Variants in DDR2 observed in about 807,000 individuals in gnomAD.
DDR2 encodes the protein discoidin domain-containing receptor 2.
DDR2 carries 27 observed loss-of-function variants against 94.9 expected under a neutral mutation model. The observed-to-expected ratio is 0.28, with a 90% CI of 0.21 to 0.39. The LOEUF is 0.39. Ranked by LOEUF, DDR2 falls within the 10% of genes least tolerant of loss-of-function variation. The pLI, the probability that DDR2 is intolerant of heterozygous loss-of-function variation, is 1.00. For synonymous variants in DDR2, 382 were observed against 377.2 expected (o/e 1.01, Z -0.15); for missense variants, 783 against 1,076.0 (o/e 0.73, Z 3.81).
At chr1:162,654,190 C>T (rs1321869557) in intron 1 of DDR2, among the ~76,000 whole-genome samples, 1 of 152,154 alleles carries the variant, frequency 6.6e-6, no homozygotes, top group Non-Finnish European at 1.5e-5. Context: ...ATAATCCCAG[C>T]ACTTTGTGAG....
At chr1:162,689,207 C>A (rs1659836610) in intron 2 of DDR2, among the ~76,000 whole-genome samples, 1 of 152,164 alleles carries the variant, frequency 6.6e-6, no homozygotes, top group Admixed American at 6.5e-5. Flanking sequence ...CTCTGTCATG[C>A]AGCTGAAGTT....
In DDR2 at chr1:162,769,928, C is replaced by A. The variant is rs184435224; in HGVS notation, c.1294-374C>A. Among the ~76,000 whole-genome samples, 14 of 152,100 alleles carry A rather than the reference C, an allele frequency of 9.2e-5. No homozygotes were observed. The Middle Eastern group carries it at 0.01, about 111-fold the overall frequency. On this transcript the variant is annotated intron_variant, in intron 11 of 17. Transcript: ENST00000367921. ...AAACAATTTATGTCTATTCCAAAAC[C>A]AAGTAGTTAAAGGGTAAGCCAGGAA...
At chr1:162,748,918 T>C (rs6663767) in intron 3 of DDR2, among the ~76,000 whole-genome samples, 125,615 of 149,850 alleles carry the variant, frequency 0.84, 53,394 homozygotes, top group Non-Finnish European at 0.92. Context: ...GGGTACATAA[T>C]GAAATGAAGG....
At position 162,638,710 on chromosome 1, in the gene DDR2, GA is replaced by G. The variant is rs551385075; in HGVS notation, c.-192+6081del. Among the ~76,000 whole-genome samples the G allele has an allele frequency of 2.2e-4, 34 of 152,300 alleles. 1 individual carries two copies. In the East Asian group the frequency reaches 6.6e-3, roughly 29 times the overall value. On this transcript the variant is annotated intron_variant, in intron 1 of 17. Coordinates refer to ENST00000367921, the MANE Select transcript of DDR2 (RefSeq NM_006182.4). ...GCTACTGGCACTTGTCCTTCAGGAT[GA>G]ACCCTCTTGAGATGCAGGGGAGCAA... is the stretch of plus-strand genomic sequence containing the variant.
At chr1:162,636,280 C>G (rs1345199406) in intron 1 of DDR2, among the ~76,000 whole-genome samples, 1 of 152,128 alleles carries the variant, frequency 6.6e-6, no homozygotes, top group Admixed American at 6.5e-5. Context: ...TTGAGCCAGC[C>G]CAAGAGTTGC....
At chr1:162,759,501 A>T (rs1663612938) in intron 7 of DDR2, among the ~76,000 whole-genome samples, 1 of 152,260 alleles carries the variant, frequency 6.6e-6, no homozygotes. Context: ...AAGGTGCAAT[A>T]AATTATAGAA....
At chr1:162,716,229 G>A (rs1177847621) in intron 2 of DDR2, among the ~76,000 whole-genome samples, 2 of 152,112 alleles carry the variant, frequency 1.3e-5, no homozygotes, top group African/African-American at 2.4e-5. Context: ...AGGAAGTTAC[G>A]GCCAGTAACC....
Position 162,660,343 on chromosome 1 carries a change from G to A in DDR2, c.-28+4969G>A, listed in dbSNP as rs182898312. ...TTTGGGGGTAGAGGAGGTAGGCGGC[G>A]GTGGGCAGTTGGGACCCCCCGTACT... On this transcript the variant is annotated intron_variant, in intron 2 of 17. Coordinates refer to ENST00000367921, the MANE Select transcript of DDR2 (RefSeq NM_006182.4). 1.7e-4 allele frequency among the ~76,000 whole-genome samples: 26 copies of A among 151,832 alleles called. No homozygotes were observed. The East Asian group carries it at 1.7e-3, about 10-fold the overall frequency.
At chr1:162,670,507 C>A (rs1056723229) in intron 2 of DDR2, among the ~76,000 whole-genome samples, 1 of 152,148 alleles carries the variant, frequency 6.6e-6, no homozygotes, top group South Asian at 2.1e-4. Context: ...GGATTCTAAT[C>A]GGTCTACAGA....
At chr1:162,672,262 T>C (rs1007058488) in intron 2 of DDR2, among the ~76,000 whole-genome samples, 5 of 152,216 alleles carry the variant, frequency 3.3e-5, no homozygotes, top group Non-Finnish European at 5.9e-5. Flanking sequence ...AGAGTTGTGA[T>C]GGGGATTAAA....
chr1:162,690,213 G>A (rs1339010347), intron 2 of DDR2, among the ~76,000 whole-genome samples: 2 of 152,114 alleles, frequency 1.3e-5, no homozygotes, highest in African/African-American at 4.8e-5. Flanking sequence ...ATGGAAGAAG[G>A]AAATGAGGTT....
intron 2 of DDR2, among the ~76,000 whole-genome samples, chr1:162,668,286 C>A (rs1244127220): frequency 6.6e-6 from 1 of 152,024 alleles, no homozygotes; most frequent in Non-Finnish European, 1.5e-5. Context: ...ATGTGAAAAC[C>A]CTGGTTAGGC....
intron 2 of DDR2, among the ~76,000 whole-genome samples, chr1:162,699,267 A>G (rs61811979): frequency 0.066 from 10,112 of 152,298 alleles, 484 homozygotes; most frequent in Middle Eastern, 0.18. Flanking sequence ...ATAAATCTGA[A>G]CACTTTCCTT....
At chr1:162,710,008 A>C (rs1467238932) in intron 2 of DDR2, among the ~76,000 whole-genome samples, 1 of 152,240 alleles carries the variant, frequency 6.6e-6, no homozygotes, top group African/African-American at 2.4e-5. Flanking sequence ...TACAGTACAG[A>C]CAGGAAACTA....
At chr1:162,653,387 G>C (rs1276665056) in intron 1 of DDR2, among the ~76,000 whole-genome samples, 1 of 152,056 alleles carries the variant, frequency 6.6e-6, no homozygotes, top group Non-Finnish European at 1.5e-5. Context: ...GACCAGCCTG[G>C]GCAACATGTC....
chr1:162,755,599 C>T (rs1663424847), intron 6 of DDR2, 65 bp from the exon 7 acceptor site: 1 of 1,460,354 alleles, frequency 6.8e-7, no homozygotes. Context: ...CCTTGAAACT[C>T]ACATAGTTCC....
At chr1:162,670,300 G>A (rs1046590934) in intron 2 of DDR2, among the ~76,000 whole-genome samples, 1 of 152,104 alleles carries the variant, frequency 6.6e-6, no homozygotes, top group Non-Finnish European at 1.5e-5. Flanking sequence ...TAGTAGAGAC[G>A]CTTCACCATG....
intron 2 of DDR2, among the ~76,000 whole-genome samples, chr1:162,718,295 C>G (rs1426081484): frequency 1.3e-5 from 2 of 152,112 alleles, no homozygotes; most frequent in Non-Finnish European, 2.9e-5. Context: ...CTGAGGAATC[C>G]TGTCTCCTTT....
At chr1:162,648,957 A>G (rs1657549147) in intron 1 of DDR2, among the ~76,000 whole-genome samples, 1 of 152,154 alleles carries the variant, frequency 6.6e-6, no homozygotes, top group Admixed American at 6.5e-5. Flanking sequence ...GGAAGAGACT[A>G]GGACTACTTG....
Sources: gnomAD v4.1 joint callset for allele counts (sites outside exome capture counted in the v4.1 genomes callset) on GRCh38, gnomAD v4.1.1 for gene constraint, MANE v1.5 for transcripts, NCBI Gene and HGNC (gene_info 2026-07-23, HGNC 2026-07-21) for gene names.